CDYL2: variants seen among roughly 807,000 people sequenced by gnomAD.
CDYL2 encodes chromodomain Y-like protein 2.
A neutral mutation model predicts 49.4 loss-of-function variants in CDYL2; 23 were observed. The observed-to-expected ratio is 0.47, with a 90% confidence interval of 0.34 to 0.66. CDYL2 has a LOEUF of 0.66. Ranked by LOEUF, CDYL2 falls within the 30% of genes least tolerant of loss-of-function variation. The probability of loss-of-function intolerance (pLI) is 0.01; values close to 1 mark genes in which losing one functional copy is unlikely to be tolerated. For synonymous variants in CDYL2, 360 were observed against 268.8 expected, an observed-to-expected ratio of 1.34 and a Z score of -3.32; for missense variants, 678 against 656.4, an observed-to-expected ratio of 1.03 and a Z score of -0.36.
At chr16:80,615,700 A>G (rs998984051) in intron 4 of CDYL2, among the ~76,000 whole-genome samples, 4 of 151,870 alleles carry the variant, frequency 2.6e-5, no homozygotes, top group Non-Finnish European at 4.4e-5. Flanking sequence ...GTGTTTTCCA[A>G]CCTGAGATCC....
chr16:80,778,343 CAG>C (rs1245477840), intron 1 of CDYL2, among the ~76,000 whole-genome samples: 1 of 151,250 alleles, frequency 6.6e-6, no homozygotes, highest in African/African-American at 2.4e-5. Context: ...TTATAACTGA[CAG>C]AAAGACAGGT....
intron 1 of CDYL2, among the ~76,000 whole-genome samples, chr16:80,702,665 G>A (rs528626532): frequency 2.0e-4 from 31 of 152,220 alleles, no homozygotes; most frequent in Admixed American, 1.6e-3. Flanking sequence ...CTGGAAGATC[G>A]CTTGAGCCCA....
intron 1 of CDYL2, among the ~76,000 whole-genome samples, chr16:80,769,621 A>C (rs183162193): frequency 9.7e-4 from 147 of 152,266 alleles, no homozygotes; most frequent in African/African-American, 3.3e-3. Flanking sequence ...AGGAAGTACA[A>C]ACTTCTCCCA....
chr16:80,606,780 C>A (rs1245403470), intron 6 of CDYL2, among the ~76,000 whole-genome samples: 2 of 152,174 alleles, frequency 1.3e-5, no homozygotes, highest in African/African-American at 4.8e-5. Flanking sequence ...CCACACTGTT[C>A]TCCTGGTAGT....
intron 5 of CDYL2, among the ~76,000 whole-genome samples, chr16:80,611,001 C>G (rs1478685326): frequency 6.6e-6 from 1 of 152,180 alleles, no homozygotes; most frequent in African/African-American, 2.4e-5. Flanking sequence ...TCCCCACCAT[C>G]CTCACCAGGC....
At chr16:80,728,547 G>C (rs1161370053) in intron 1 of CDYL2, among the ~76,000 whole-genome samples, 3 of 152,138 alleles carry the variant, frequency 2.0e-5, no homozygotes, top group East Asian at 1.9e-4. Context: ...AGGAGAACTT[G>C]CCCAATCTAG....
At chr16:80,745,354 G>T (rs941284296) in intron 1 of CDYL2, among the ~76,000 whole-genome samples, 12 of 152,138 alleles carry the variant, frequency 7.9e-5, no homozygotes, top group African/African-American at 2.9e-4. Context: ...GCAAACAGGA[G>T]CCAAAAGAAA....
chr16:80,776,203 T>C (rs1211461198), intron 1 of CDYL2, among the ~76,000 whole-genome samples: 1 of 152,130 alleles, frequency 6.6e-6, no homozygotes, highest in Admixed American at 6.5e-5. Flanking sequence ...CTTCTGCAGT[T>C]TCTCTGTCAA....
Position 80,602,113 on chromosome 16 carries a change from GAC to G in CDYL2, c.*2273_*2274del, listed in dbSNP as rs1422564044. 2 of 152,202 alleles carry G rather than the reference GAC, an allele frequency of 1.3e-5. No homozygotes were observed. Among genetic ancestry groups the G allele is most frequent in the Non-Finnish European group, 2.9e-5 (2 of 68,038 alleles). 9.4% of individuals were successfully genotyped at this position (152,202 alleles called of 1,614,324 possible). The stretch of plus-strand genomic sequence containing the variant: ...CTAATGAAAATTTAGCAGTAGTGAA[GAC>G]ACTGTCTGCCACAATATGTAAGAAC... On this transcript the variant is annotated 3_prime_UTR_variant, in exon 7 of 7. Transcript: ENST00000570137.
In CDYL2 at chr16:80,772,614, G is replaced by A. The variant is rs192918833; in HGVS notation, c.24+31536C>T. Among the ~76,000 whole-genome samples the A allele has an allele frequency of 9.9e-5, 15 of 152,138 alleles. No homozygotes were observed. The South Asian group carries it at 1.5e-3, about 15-fold the overall frequency. ...ACTACAGGCACGTGCCACCACGCCC[G>A]GCTAATGTTTGTATTTTTAGTAGAG... On this transcript the variant is annotated intron_variant, in intron 1 of 6. Coordinates refer to ENST00000570137, the MANE Select transcript of CDYL2 (RefSeq NM_152342.4).
intron 2 of CDYL2, among the ~76,000 whole-genome samples, chr16:80,658,338 A>T (rs1908897468): frequency 6.6e-6 from 1 of 152,184 alleles, no homozygotes; most frequent in East Asian, 1.9e-4. Context: ...AAATAAACCT[A>T]ATCGTCTTTC....
At chr16:80,798,059 G>A (rs1302117814) in intron 1 of CDYL2, among the ~76,000 whole-genome samples, 2 of 151,806 alleles carry the variant, frequency 1.3e-5, no homozygotes, top group Admixed American at 1.3e-4. Context: ...TTTTGCTTTT[G>A]AGACAGAGCC....
chr16:80,702,695 G>A (rs1399995041), intron 1 of CDYL2, among the ~76,000 whole-genome samples: 1 of 152,144 alleles, frequency 6.6e-6, no homozygotes, highest in Non-Finnish European at 1.5e-5. Flanking sequence ...GGTTGCAGTG[G>A]GCTATGATCG....
intron 5 of CDYL2, among the ~76,000 whole-genome samples, chr16:80,609,291 G>A (rs192697834): frequency 3.3e-5 from 5 of 152,250 alleles, no homozygotes; most frequent in East Asian, 1.9e-4. Context: ...CCGCACGGCC[G>A]GCAACGCCTT....
At chr16:80,804,780 C>T (rs1279473959), upstream of CDYL2, among the ~76,000 whole-genome samples, 2 of 150,530 alleles carry the variant, frequency 1.3e-5, no homozygotes, top group African/African-American at 2.4e-5. Context: ...GGCCAGGTGC[C>T]CGCCGGGTGC....
chr16:80,777,888 C>T (rs753648906), intron 1 of CDYL2, among the ~76,000 whole-genome samples: 2 of 151,502 alleles, frequency 1.3e-5, no homozygotes, highest in East Asian at 1.9e-4. Context: ...TTAGCACATA[C>T]AAAAAAAGAG....
intron 2 of CDYL2, among the ~76,000 whole-genome samples, chr16:80,656,365 G>C (rs1045419189): frequency 3.9e-5 from 6 of 152,256 alleles, no homozygotes; most frequent in African/African-American, 1.4e-4. Flanking sequence ...GCTCTGCTGA[G>C]CCCAAAAGCC....
chr16:80,646,138 T>C (rs777311648), intron 2 of CDYL2, among the ~76,000 whole-genome samples: 1 of 151,726 alleles, frequency 6.6e-6, no homozygotes, highest in Non-Finnish European at 1.5e-5. Flanking sequence ...ACTTAAAGTA[T>C]AATTAAAAAA....
intron 1 of CDYL2, among the ~76,000 whole-genome samples, chr16:80,745,603 G>C (rs1905900441): frequency 6.6e-6 from 1 of 152,220 alleles, no homozygotes; most frequent in Non-Finnish European, 1.5e-5. Context: ...TAGGAACACA[G>C]TGAGTAAACG....
Sources: gnomAD v4.1 joint callset for allele counts (sites outside exome capture counted in the v4.1 genomes callset) on GRCh38, gnomAD v4.1.1 for gene constraint, MANE v1.5 for transcripts, NCBI Gene and HGNC (gene_info 2026-07-23, HGNC 2026-07-21) for gene names.